RNF126: variants seen among roughly 807,000 people sequenced by gnomAD.
RNF126 encodes the protein E3 ubiquitin-protein ligase RNF126.
In RNF126, 20 loss-of-function variants were observed where a neutral mutation model predicts 41.9. The observed-to-expected ratio is 0.48, with a 90% CI of 0.34 to 0.69. RNF126 has a LOEUF of 0.69. Among genes scored for constraint, RNF126 ranks in the 30% least tolerant of loss-of-function variants. The pLI is 0.01. For synonymous variants in RNF126, 239 were observed against 202.9 expected (o/e 1.18, Z -1.51); for missense variants, 433 against 460.6 (o/e 0.94, Z 0.55).
In RNF126 at chr19:647,915, C is replaced by T. The variant is rs1482146850; in HGVS notation, c.*213G>A. The T allele has an allele frequency of 4.7e-6, 3 of 638,882 alleles. No individual in the cohort carries two copies. The highest frequency in any genetic ancestry group is 1.8e-5 in the African/African-American group (1 of 54,490). The allele number at this position is 638,882 out of a possible 1,614,324, so 39.6% of individuals were successfully genotyped here. On this transcript the variant is annotated 3_prime_UTR_variant, in exon 9 of 9. Transcript: ENST00000292363. Reference sequence around the variant, plus strand: ...TGAGGTTAGACAGAGGACGGGGAGGCTGGGGACGCCCCAGAGGGGACCATG... The same window carrying T: ...TGAGGTTAGACAGAGGACGGGGAGGTTGGGGACGCCCCAGAGGGGACCATG...
intron 1 of RNF126, among the ~76,000 whole-genome samples, chr19:656,918 G>GCCCA (rs1046082766): frequency 2.0e-5 from 3 of 152,164 alleles, no homozygotes; most frequent in Non-Finnish European, 2.9e-5. Flanking sequence ...CCGTCCGCCC[G>GCCCA]CCAGCTGACC....
chr19:652,176 C>T, intron 3 of RNF126, 57 bp downstream of exon 3: 9 of 1,400,524 alleles, frequency 6.4e-6, no homozygotes, highest in Non-Finnish European at 8.5e-6. Flanking sequence ...CAGGCTGGCG[C>T]TCGGGGCCCC....
At chr19:650,382 A>C (rs2030219532) in intron 4 of RNF126, 86 bp from the exon 5 acceptor site, 4 of 1,159,308 alleles carry the variant, frequency 3.5e-6, no homozygotes, top group Non-Finnish European at 5.0e-6. Context: ...GTGAGCACCA[A>C]GGGCAGGGCC....
chr19:648,949 G>A lies in RNF126; in HGVS notation c.603C>T (p.Gly201=), dbSNP rs1249670768. 1.4e-6 allele frequency: 2 copies of A among 1,429,216 alleles called. No individual in the cohort carries two copies. The highest frequency in any genetic ancestry group is 1.5e-5 in the African/African-American group (1 of 68,404). 88.5% of individuals were successfully genotyped at this position (1,429,216 alleles called of 1,614,324 possible). A position where few individuals can be genotyped will look rare whatever the true frequency, so the allele number is the denominator to read the frequency against. ...TTTTCTCTTTATCTGCCGGTGGGGG[G>A]CCTGTGTTTTCAAACTGATTGAGGA... ...TQLLNQFENT[G]PPPADKEKIQ... is the part of the protein sequence containing the mutation. Residue 201 remains glycine (G), a synonymous_variant, in exon 7 of 9, where the codon GGC becomes GGT. Transcript: ENST00000292363.
At chr19:649,882 G>C in intron 5 of RNF126, 134 bp from the exon 6 acceptor site, 1 of 638,906 alleles carries the variant, frequency 1.6e-6, no homozygotes, top group Non-Finnish European at 2.8e-6. Context: ...CCCTGGCTGG[G>C]GATGGGGACA....
At chr19:660,405 G>A (rs889177753) in intron 1 of RNF126, among the ~76,000 whole-genome samples, 1 of 152,234 alleles carries the variant, frequency 6.6e-6, no homozygotes, top group Non-Finnish European at 1.5e-5. Flanking sequence ...CACAGCCCAT[G>A]GCAGCCAGTC....
intron 4 of RNF126, 188 bp downstream of exon 4, chr19:651,423 C>T: frequency 2.0e-6 from 1 of 503,862 alleles, no homozygotes. Context: ...ACACCCTGAA[C>T]CGGCATACTT....
chr19:663,137 C>T lies in RNF126; in HGVS notation c.-16G>A, dbSNP rs1600647318. The stretch of plus-strand genomic sequence containing the variant: ...CCTCGGCCATGGCCGCCGCCACCTA[C>T]TCCGCGCCGCCCGCCCCCCGCGCGG... On this transcript the variant is annotated 5_prime_UTR_variant, in exon 1 of 9. Coordinates refer to ENST00000292363, the MANE Select transcript of RNF126 (RefSeq NM_194460.3). 8.3e-7 allele frequency: 1 copy of T among 1,200,724 alleles called. No individual in the cohort carries two copies. Among genetic ancestry groups the T allele is most frequent in the African/African-American group, 1.6e-5 (1 of 62,036 alleles). The allele number at this position is 1,200,724 out of a possible 1,614,324, so 74.4% of individuals were successfully genotyped here.
chr19:658,163 G>A (rs1020078646), intron 1 of RNF126, among the ~76,000 whole-genome samples: 45 of 152,150 alleles, frequency 3.0e-4, no homozygotes, highest in African/African-American at 1.0e-3. Context: ...CAGGCAGCCA[G>A]GGTAGGGGGG....
At chr19:648,524 G>A (rs1461097084) in intron 7 of RNF126, 37 bp from the exon 8 acceptor site, 1 of 1,500,230 alleles carries the variant, frequency 6.7e-7, no homozygotes, top group Non-Finnish European at 9.0e-7. Context: ...AGCGGGCGTG[G>A]GGGGCCTGCC....
intron 1 of RNF126, among the ~76,000 whole-genome samples, chr19:655,440 C>T (rs372430655): frequency 2.0e-4 from 31 of 151,284 alleles, no homozygotes; most frequent in African/African-American, 7.0e-4. Context: ...GAGCCGAGAT[C>T]GCGCCACTGC....
chr19:649,402 C>T (rs2030160721), intron 6 of RNF126: 16 of 481,340 alleles, frequency 3.3e-5, no homozygotes, highest in Admixed American at 2.9e-4. Context: ...GAAGAGGGAC[C>T]GCGTGGCCTC....
At position 660,880 on chromosome 19, in the gene RNF126, T is replaced by C. The variant is rs375725150; in HGVS notation, c.75+2167A>G. On this transcript the variant is annotated intron_variant, in intron 1 of 8. Transcript: ENST00000292363. ...ACTGCCATGCTGTCTACGGGCGCCT[T>C]GTTGCGTCCTGCTCCAAAGGCACAA... is the stretch of plus-strand genomic sequence containing the variant. Among the ~76,000 whole-genome samples, 215 of 152,340 alleles carry C rather than the reference T, an allele frequency of 1.4e-3. 4 individuals carry two copies. Among genetic ancestry groups the C allele is most frequent in the South Asian group, 0.014 (67 of 4,820 alleles).
At chr19:651,883 G>C in intron 3 of RNF126, 28 bp from the exon 4 acceptor site, 1 of 1,589,802 alleles carries the variant, frequency 6.3e-7, no homozygotes, top group Non-Finnish European at 8.6e-7. Flanking sequence ...GCGTGACCTC[G>C]GGGGCTCAGG....
chr19:651,607 T>C lies in RNF126; in HGVS notation c.443+4A>G. On this transcript the variant is annotated splice_donor_region_variant and intron_variant, in intron 4 of 8. Coordinates refer to ENST00000292363, the MANE Select transcript of RNF126 (RefSeq NM_194460.3). ...CCTCGCGGCCACCCCCGGGGCCCCC[T>C]CACCCTTCCAGCGTGGGGACGCCTT... is the stretch of plus-strand genomic sequence containing the variant. 1 of 1,422,320 alleles carries C rather than the reference T, an allele frequency of 7.0e-7. No homozygotes were observed. Among genetic ancestry groups the C allele is most frequent in the Non-Finnish European group, 9.2e-7 (1 of 1,092,582 alleles). 88.1% of individuals were successfully genotyped at this position (1,422,320 alleles called of 1,614,324 possible).
chr19:656,317 T>C (rs947701721), intron 1 of RNF126, among the ~76,000 whole-genome samples: 20 of 150,680 alleles, frequency 1.3e-4, no homozygotes, highest in African/African-American at 4.4e-4. Flanking sequence ...AGCAACAGAG[T>C]GAGGCAGCAT....
At position 650,263 on chromosome 19, in the gene RNF126, C is replaced by T. The variant is rs1364778281; in HGVS notation, c.477G>A (p.Thr159=). ...GGCCCAGGCTGGGGATGGTGGCGGG[C>T]GTGATGATGCCGTTGACGAGCTGCT... is the stretch of plus-strand genomic sequence containing the variant. ...IIQQLVNGII[T]PATIPSLGPW... The change falls in exon 5 of 9, where the codon ACG becomes ACA. Residue 159 remains threonine (T), a synonymous_variant. Transcript: ENST00000292363. 22 of 1,582,624 alleles carry T rather than the reference C, an allele frequency of 1.4e-5. No individual in the cohort carries two copies. The Admixed American group carries it at 1.9e-4, about 14-fold the overall frequency.
At chr19:655,825 G>A (rs537919173) in intron 1 of RNF126, among the ~76,000 whole-genome samples, 5 of 152,232 alleles carry the variant, frequency 3.3e-5, no homozygotes, top group East Asian at 3.9e-4. Flanking sequence ...GTGTCCACCC[G>A]CACCTCAGAG....
rs192291082 is a variant in RNF126 at position 663,131 on chromosome 19, C to T, written c.-10G>A. The T allele has an allele frequency of 0.022, 27,168 of 1,239,556 alleles. 2,592 individuals carry two copies. In the African/African-American group the frequency reaches 0.27, roughly 12 times the overall value. The allele number at this position is 1,239,556 out of a possible 1,614,324, so 76.8% of individuals were successfully genotyped here. ...GCGACGCCTCGGCCATGGCCGCCGC[C>T]ACCTACTCCGCGCCGCCCGCCCCCC... On this transcript the variant is annotated 5_prime_UTR_variant, in exon 1 of 9. Coordinates refer to ENST00000292363, the MANE Select transcript of RNF126 (RefSeq NM_194460.3).
Sources: allele counts gnomAD v4.1 joint callset (sites outside exome capture counted in the v4.1 genomes callset), GRCh38; gene constraint gnomAD v4.1.1; transcripts MANE v1.5; gene names NCBI Gene and HGNC (gene_info 2026-07-23, HGNC 2026-07-21).